Variants in TAFA1 observed in about 807,000 individuals in gnomAD.
TAFA1 encodes TAFA chemokine like family member 1, also known as chemokine-like protein TAFA-1.
TAFA1 carries 4 observed loss-of-function variants against 18.5 expected under a neutral mutation model. The observed-to-expected ratio is 0.22, with a 90% confidence interval of 0.11 to 0.49. The LOEUF is 0.49. Ranked by LOEUF, TAFA1 falls within the 20% of genes least tolerant of loss-of-function variation. TAFA1 has a pLI of 0.98. For synonymous variants in TAFA1, 56 were observed against 55.2 expected, an observed-to-expected ratio of 1.01 and a Z score of -0.06; for missense variants, 147 against 169.0, an observed-to-expected ratio of 0.87 and a Z score of 0.72.
intron 2 of TAFA1, among the ~76,000 whole-genome samples, chr3:68,260,142 C>G (rs1474292464): frequency 1.3e-5 from 2 of 152,008 alleles, no homozygotes; most frequent in South Asian, 4.2e-4. Flanking sequence ...GAGTTTTTAG[C>G]ATGAAGCGTT....
intron 2 of TAFA1, among the ~76,000 whole-genome samples, chr3:68,151,570 G>A (rs939302452): frequency 6.6e-6 from 1 of 152,076 alleles, no homozygotes; most frequent in African/African-American, 2.4e-5. Flanking sequence ...CATGGTGGAA[G>A]GTGGAAGGGC....
intron 2 of TAFA1, among the ~76,000 whole-genome samples, chr3:68,357,352 G>A (rs1384867359): frequency 2.0e-5 from 3 of 149,440 alleles, no homozygotes; most frequent in African/African-American, 4.9e-5. Flanking sequence ...GATGCCTGCA[G>A]TTAAGGTGGA....
chr3:68,339,980 C>T (rs914292584), intron 2 of TAFA1, among the ~76,000 whole-genome samples: 17 of 152,308 alleles, frequency 1.1e-4, no homozygotes, highest in South Asian at 4.1e-4. Context: ...CTATTTGTTC[C>T]ACCAAGGAGT....
intron 2 of TAFA1, among the ~76,000 whole-genome samples, chr3:68,046,003 G>GC (rs903588036): frequency 9.9e-5 from 15 of 151,948 alleles, no homozygotes; most frequent in Admixed American, 1.3e-4. Flanking sequence ...TAAATAATTT[G>GC]CCCCCCTGGA....
intron 3 of TAFA1, among the ~76,000 whole-genome samples, chr3:68,423,167 C>T (rs1017826377): frequency 6.6e-6 from 1 of 151,966 alleles, no homozygotes; most frequent in South Asian, 2.1e-4. Flanking sequence ...AATAATGGAA[C>T]ATAATTAATA....
chr3:68,120,222 TTTC>T (rs2065379037), intron 2 of TAFA1, among the ~76,000 whole-genome samples: 2 of 135,046 alleles, frequency 1.5e-5, no homozygotes, highest in African/African-American at 2.9e-5. Context: ...TCTTTCTTTC[TTTC>T]TTTCTTTCTT....
chr3:68,468,801 A>G (rs1344202667), intron 3 of TAFA1, among the ~76,000 whole-genome samples: 1 of 152,202 alleles, frequency 6.6e-6, no homozygotes, highest in Non-Finnish European at 1.5e-5. Context: ...TCCAACTTGA[A>G]GCCCACATTA....
At chr3:68,127,246 C>A (rs139245297) in intron 2 of TAFA1, among the ~76,000 whole-genome samples, 153 of 152,110 alleles carry the variant, frequency 1.0e-3, no homozygotes, top group African/African-American at 3.5e-3. Context: ...GAGAATGAGT[C>A]TTGTTTAATG....
At chr3:68,088,214 A>G (rs1397407771) in intron 2 of TAFA1, among the ~76,000 whole-genome samples, 3 of 152,342 alleles carry the variant, frequency 2.0e-5, no homozygotes, top group South Asian at 2.1e-4. Context: ...TCCATAGCCT[A>G]TATTAATTTA....
chr3:68,203,522 G>A (rs1362979513), intron 2 of TAFA1, among the ~76,000 whole-genome samples: 1 of 151,696 alleles, frequency 6.6e-6, no homozygotes, highest in Non-Finnish European at 1.5e-5. Flanking sequence ...GCTGTAAAAA[G>A]ATCTTAATAA....
chr3:68,226,507 A>G (rs1359463659), intron 2 of TAFA1, among the ~76,000 whole-genome samples: 2 of 152,100 alleles, frequency 1.3e-5, no homozygotes, highest in Non-Finnish European at 2.9e-5. Flanking sequence ...AAGTTCCAAT[A>G]TAGGAGACAC....
At chr3:68,302,717 G>A (rs542820890) in intron 2 of TAFA1, among the ~76,000 whole-genome samples, 1 of 152,188 alleles carries the variant, frequency 6.6e-6, no homozygotes, top group Admixed American at 6.5e-5. Flanking sequence ...CTCTCCTACA[G>A]GAAATACCTC....
chr3:68,291,611 A>G (rs928621917), intron 2 of TAFA1, among the ~76,000 whole-genome samples: 1 of 151,840 alleles, frequency 6.6e-6, no homozygotes, highest in Non-Finnish European at 1.5e-5. Context: ...GTCATTGTAT[A>G]AAAAAGGGAG....
intron 2 of TAFA1, among the ~76,000 whole-genome samples, chr3:68,373,960 A>G (rs1033945426): frequency 2.6e-5 from 4 of 152,120 alleles, no homozygotes; most frequent in African/African-American, 9.7e-5. Context: ...AGGAATAGAA[A>G]CTCACTTGGG....
At chr3:68,119,402 T>G (rs932928444) in intron 2 of TAFA1, among the ~76,000 whole-genome samples, 14 of 152,296 alleles carry the variant, frequency 9.2e-5, no homozygotes, top group African/African-American at 3.1e-4. Flanking sequence ...GTCTAATTTA[T>G]CTACTTTTGC....
intron 3 of TAFA1, among the ~76,000 whole-genome samples, chr3:68,501,563 A>G (rs754689830): frequency 2.0e-4 from 31 of 152,218 alleles, no homozygotes; most frequent in Non-Finnish European, 7.3e-5. Context: ...TTTACCAAAT[A>G]TTTAATCAAT....
intron 2 of TAFA1, among the ~76,000 whole-genome samples, chr3:68,262,815 G>C (rs536394622): frequency 6.6e-5 from 10 of 152,252 alleles, no homozygotes; most frequent in African/African-American, 2.4e-4. Flanking sequence ...GGGTTGTTGG[G>C]TCAAATAGTA....
At chr3:68,171,986 A>T (rs2066059622) in intron 2 of TAFA1, among the ~76,000 whole-genome samples, 1 of 152,206 alleles carries the variant, frequency 6.6e-6, no homozygotes, top group Non-Finnish European at 1.5e-5. Context: ...GTGTACCATT[A>T]TATAGATGAT....
intron 2 of TAFA1, among the ~76,000 whole-genome samples, chr3:68,226,991 C>T: frequency 6.6e-6 from 1 of 152,136 alleles, no homozygotes; most frequent in East Asian, 1.9e-4. Flanking sequence ...TTGTGGGGCA[C>T]ATAAGAGAAG....
Sources: gnomAD v4.1 joint callset for allele counts (sites outside exome capture counted in the v4.1 genomes callset) on GRCh38, gnomAD v4.1.1 for gene constraint, MANE v1.5 for transcripts, NCBI Gene and HGNC (gene_info 2026-07-23, HGNC 2026-07-21) for gene names.